Variants in ERP44 observed in about 807,000 individuals in gnomAD.
ERP44 encodes endoplasmic reticulum protein 44, also known as endoplasmic reticulum resident protein 44.
A neutral mutation model predicts 53.4 loss-of-function variants in ERP44; 25 were observed. The observed-to-expected ratio is 0.47, with a 90% CI of 0.34 to 0.65. ERP44 has a LOEUF of 0.65. ERP44 is among the 30% of genes least tolerant of loss of function. The pLI, the probability that ERP44 is intolerant of heterozygous loss-of-function variation, is 0.01. For synonymous variants in ERP44, 145 were observed against 161.2 expected, an observed-to-expected ratio of 0.90 and a Z score of 0.76; for missense variants, 338 against 493.2, an observed-to-expected ratio of 0.69 and a Z score of 2.98.
intron 1 of ERP44, 85 bp from the exon 2 acceptor site, chr9:100,060,257 T>C: frequency 7.9e-7 from 1 of 1,259,456 alleles, no homozygotes; most frequent in Non-Finnish European, 1.0e-6. Context: ...AAATGTGTGA[T>C]TCCACTTGTT....
At chr9:100,083,200 ATATAATGC>A (rs565105043) in intron 1 of ERP44, among the ~76,000 whole-genome samples, 37 of 152,290 alleles carry the variant, frequency 2.4e-4, no homozygotes, top group Non-Finnish European at 4.4e-4. Context: ...GATGATGAAC[ATATAATGC>A]TATTCACTGT....
rs751141153 is a variant in ERP44 at position 100,018,268 on chromosome 9, G to A, written c.633C>T (p.Tyr211=). 12 of 1,601,650 alleles carry A rather than the reference G, an allele frequency of 7.5e-6. No individual in the cohort carries two copies. In the Admixed American group the frequency reaches 1.8e-4, roughly 24 times the overall value. ...PERYSGDNII[Y]KPPGHSAPDM... is the part of the protein sequence containing the mutation. The stretch of plus-strand genomic sequence containing the variant: ...AATAGCAACTTACCCCTGGTGGTTT[G>A]TAGATTATGTTGTCGCCACTATATC... The change falls in exon 7 of 12, where the codon TAC becomes TAT. Residue 211 remains tyrosine (Y), a synonymous_variant. Coordinates refer to ENST00000262455, the MANE Select transcript of ERP44 (RefSeq NM_015051.3).
chr9:100,058,595 A>G (rs1349646971), intron 2 of ERP44, among the ~76,000 whole-genome samples: 2 of 152,196 alleles, frequency 1.3e-5, no homozygotes, highest in Non-Finnish European at 2.9e-5. Flanking sequence ...TATACCACCT[A>G]GTTGCAACAA....
intron 1 of ERP44, among the ~76,000 whole-genome samples, chr9:100,066,954 G>A (rs1826217049): frequency 6.6e-6 from 1 of 152,080 alleles, no homozygotes; most frequent in African/African-American, 2.4e-5. Context: ...GGGAAAAATA[G>A]GACTAAGTAT....
intron 1 of ERP44, among the ~76,000 whole-genome samples, chr9:100,094,583 A>C (rs1386171983): frequency 6.6e-6 from 1 of 152,100 alleles, no homozygotes; most frequent in Non-Finnish European, 1.5e-5. Context: ...ACTTGAACCC[A>C]GGAGACAGAG....
chr9:100,080,479 G>A (rs1826410718), intron 1 of ERP44, among the ~76,000 whole-genome samples: 1 of 151,944 alleles, frequency 6.6e-6, no homozygotes, highest in African/African-American at 2.4e-5. Context: ...CACTGCACCA[G>A]CTAAGGCCTG....
At position 100,016,437 on chromosome 9, in the gene ERP44, T is replaced by C. The variant is rs1830526341; in HGVS notation, c.647A>G (p.His216Arg). ...CAAGTACACCATATCCGGAGCAGAA[T>C]GCTATTACAAAACAGAAAAAAAAAA... The part of the protein sequence containing the change: ...GDNIIYKPPG[H>R]SAPDMVYLGA... The change falls in exon 8 of 12, where the codon CAT (histidine) becomes CGT (arginine). Residue 216 changes from histidine (H) to arginine (R), a missense_variant and splice_region_variant. Coordinates refer to ENST00000262455, the MANE Select transcript of ERP44 (RefSeq NM_015051.3). The C allele has an allele frequency of 1.9e-6, 3 of 1,594,052 alleles. No homozygotes were observed. The highest frequency in any genetic ancestry group is 2.3e-5 in the South Asian group (2 of 86,876).
intron 8 of ERP44, among the ~76,000 whole-genome samples, chr9:100,013,821 T>C (rs1830500787): frequency 6.6e-6 from 1 of 152,194 alleles, no homozygotes; most frequent in Non-Finnish European, 1.5e-5. Flanking sequence ...TCTGTGCATA[T>C]ATTCACCAAA....
intron 10 of ERP44, among the ~76,000 whole-genome samples, chr9:99,993,925 C>G (rs1830283081): frequency 6.6e-6 from 1 of 152,166 alleles, no homozygotes; most frequent in Non-Finnish European, 1.5e-5. Context: ...CACTGGCCAT[C>G]AGAGAAATGC....
intron 10 of ERP44, among the ~76,000 whole-genome samples, chr9:99,993,847 T>A (rs58403141): frequency 0.031 from 4,643 of 152,162 alleles, 229 homozygotes; most frequent in African/African-American, 0.11. Context: ...GGGCAAAGGA[T>A]ATGAACAGAC....
At chr9:99,993,107 C>G (rs1830273225) in intron 10 of ERP44, among the ~76,000 whole-genome samples, 1 of 152,180 alleles carries the variant, frequency 6.6e-6, no homozygotes, top group Admixed American at 6.5e-5. Context: ...TTTATAGATT[C>G]AATGCCATCC....
chr9:100,075,321 T>C (rs1310866074), intron 1 of ERP44, among the ~76,000 whole-genome samples: 1 of 152,254 alleles, frequency 6.6e-6, no homozygotes, highest in Non-Finnish European at 1.5e-5. Flanking sequence ...CAGCCATTGA[T>C]TTGACAAATG....
intron 1 of ERP44, among the ~76,000 whole-genome samples, chr9:100,061,180 T>C (rs907265164): frequency 6.6e-6 from 1 of 152,184 alleles, no homozygotes; most frequent in African/African-American, 2.4e-5. Flanking sequence ...TGGTGGCTCA[T>C]GCCTGTAATC....
chr9:100,056,953 C>G (rs1347397931), intron 3 of ERP44, among the ~76,000 whole-genome samples: 1 of 152,110 alleles, frequency 6.6e-6, no homozygotes, highest in Non-Finnish European at 1.5e-5. Flanking sequence ...GGGGTATAAA[C>G]TAATCTTATT....
chr9:100,093,908 A>G (rs184080630), intron 1 of ERP44, among the ~76,000 whole-genome samples: 40 of 152,340 alleles, frequency 2.6e-4, no homozygotes, highest in African/African-American at 8.9e-4. Flanking sequence ...CTACAGGGAA[A>G]CTATTACATT....
At chr9:100,090,169 A>G (rs1313956642) in intron 1 of ERP44, among the ~76,000 whole-genome samples, 3 of 151,724 alleles carry the variant, frequency 2.0e-5, no homozygotes, top group Non-Finnish European at 1.5e-5. Flanking sequence ...GCAAAAAAAG[A>G]AAAAAAAAGT....
intron 1 of ERP44, among the ~76,000 whole-genome samples, chr9:100,097,722 C>A (rs569536477): frequency 6.6e-6 from 1 of 152,256 alleles, no homozygotes; most frequent in Non-Finnish European, 1.5e-5. Context: ...AAAGAAAGAA[C>A]TATTTCAAAC....
chr9:100,003,496 C>G (rs2118628026), intron 10 of ERP44, among the ~76,000 whole-genome samples: 1 of 152,356 alleles, frequency 6.6e-6, no homozygotes, highest in African/African-American at 2.4e-5. Flanking sequence ...AGTCCAGCTG[C>G]CTGCTATGGT....
rs1307940396 is a variant in ERP44, at chr9:100,050,333, A to G, written c.286+2084T>C. 2.0e-5 allele frequency among the ~76,000 whole-genome samples: 3 copies of G among 152,228 alleles called. No individual in the cohort carries two copies. The South Asian group carries it at 6.2e-4, about 31-fold the overall frequency. On this transcript the variant is annotated intron_variant, in intron 4 of 11. Transcript: ENST00000262455. ...TGTAACATATGTCAATTATACCTCA[A>G]TAAATCTCTTTTAAAAACTGCTTTA...
Sources: gnomAD v4.1 joint callset for allele counts (sites outside exome capture counted in the v4.1 genomes callset) on GRCh38, gnomAD v4.1.1 for gene constraint, MANE v1.5 for transcripts, NCBI Gene and HGNC (gene_info 2026-07-23, HGNC 2026-07-21) for gene names.